Variants in DMXL1 observed in about 807,000 individuals in gnomAD.
The protein encoded by DMXL1 is dmX-like protein 1.
A neutral mutation model predicts 319.2 loss-of-function variants in DMXL1; 99 were observed. The ratio of observed to expected loss-of-function variants is 0.31; its 90% confidence interval spans 0.26 to 0.37. DMXL1 has a LOEUF of 0.37. Ranked by LOEUF, DMXL1 falls within the 10% of genes least tolerant of loss-of-function variation. The pLI, the probability that DMXL1 is intolerant of heterozygous loss-of-function variation, is 1.00. For missense variants in DMXL1, 3,745 were observed against 3,595.6 expected, an observed-to-expected ratio of 1.04 and a Z score of -1.06; for synonymous variants, 1,385 against 1,235.2, an observed-to-expected ratio of 1.12 and a Z score of -2.54.
intron 39 of DMXL1, among the ~76,000 whole-genome samples, chr5:119,234,162 T>A (rs1391608262): frequency 6.6e-6 from 1 of 152,150 alleles, no homozygotes; most frequent in Non-Finnish European, 1.5e-5. Context: ...TAATCCTTTG[T>A]TCAAACTGCC....
intron 1 of DMXL1, among the ~76,000 whole-genome samples, chr5:119,084,365 C>T (rs1486320087): frequency 1.3e-5 from 2 of 152,158 alleles, no homozygotes; most frequent in Non-Finnish European, 2.9e-5. Flanking sequence ...AGTGATTCAC[C>T]TGCCTCAGCC....
chr5:119,241,032 T>A (rs962484230), intron 42 of DMXL1, among the ~76,000 whole-genome samples: 1 of 152,178 alleles, frequency 6.6e-6, no homozygotes, highest in African/African-American at 2.4e-5. Context: ...AAAATCATAA[T>A]TTTTTATTCC....
chr5:119,148,946 T>G lies in DMXL1; in HGVS notation c.3119T>G (p.Ile1040Arg). The change falls in exon 18 of 44, where the codon ATA (isoleucine) becomes AGA (arginine). Residue 1040 changes from isoleucine (I) to arginine (R), a missense_variant. By Grantham distance (97) the Ile-to-Arg change is moderately conservative. This residue lies in a region of DMXL1 where 2,096 missense variants were observed against 1,985.4 expected (regional missense o/e 1.06). Transcript: ENST00000539542. ...GATGGACTTCAGAGCAATAGTAGTA[T>G]AACTGTACCTGGTAGGCCTGTAGAA... is the stretch of plus-strand genomic sequence containing the variant. ...IEDGLQSNSS[I>R]TVPGRPVEVS... The G allele has an allele frequency of 6.2e-7, 1 of 1,613,950 alleles. No homozygotes were observed.
At chr5:119,240,361 A>G in intron 41 of DMXL1, 58 bp from the exon 42 acceptor site, 3 of 1,247,888 alleles carry the variant, frequency 2.4e-6, no homozygotes, top group East Asian at 4.6e-5. Context: ...TATATATGAC[A>G]TATTTTTTAT....
chr5:119,172,661 CT>C (rs1202723651), intron 25 of DMXL1, among the ~76,000 whole-genome samples: 1 of 152,110 alleles, frequency 6.6e-6, no homozygotes, highest in Non-Finnish European at 1.5e-5. Flanking sequence ...CATATTTTAT[CT>C]TTACTTTTCA....
rs564261261 is a variant in DMXL1, at chr5:119,149,579, T to A, written c.3752T>A (p.Ile1251Lys). The A allele has an allele frequency of 2.7e-5, 43 of 1,613,856 alleles. No individual in the cohort carries two copies. The highest frequency in any genetic ancestry group is 3.4e-5 in the Non-Finnish European group (40 of 1,179,926). ...WQPSSKQEPV[I>K]TDSYSGSTPS... ...CCATCTTCTAAACAAGAACCTGTTATAACAGATTCGTACAGTGGGAGCACT... is the reference window on the plus strand; with the variant it reads ...CCATCTTCTAAACAAGAACCTGTTAAAACAGATTCGTACAGTGGGAGCACT... The change falls in exon 18 of 44, where the codon ATA becomes AAA. Residue 1251 changes from isoleucine to lysine, a missense_variant. By Grantham distance (102) the Ile-to-Lys change is moderately radical (BLOSUM62 -3). Transcript: ENST00000539542.
chr5:119,156,833 CTGTT>C (rs1210787274), intron 19 of DMXL1, among the ~76,000 whole-genome samples: 10 of 152,018 alleles, frequency 6.6e-5, no homozygotes, highest in Non-Finnish European at 1.2e-4. Flanking sequence ...TTTATGAAAA[CTGTT>C]TGTTTTTTTC....
intron 1 of DMXL1, among the ~76,000 whole-genome samples, chr5:119,082,827 C>T (rs1029925447): frequency 2.0e-5 from 3 of 152,160 alleles, no homozygotes; most frequent in Admixed American, 6.5e-5. Context: ...TCCATCAAAC[C>T]GTTTATTAGT....
chr5:119,106,199 T>C (rs1758304328), intron 4 of DMXL1, among the ~76,000 whole-genome samples: 1 of 152,290 alleles, frequency 6.6e-6, no homozygotes. Flanking sequence ...TCTGTGGCCC[T>C]CTGTAGCAGG....
At chr5:119,155,692 G>A (rs1273433590) in intron 19 of DMXL1, among the ~76,000 whole-genome samples, 3 of 151,838 alleles carry the variant, frequency 2.0e-5, no homozygotes, top group Non-Finnish European at 4.4e-5. Flanking sequence ...GGTAGGTTTA[G>A]TGTTACGTGC....
intron 19 of DMXL1, among the ~76,000 whole-genome samples, chr5:119,154,933 A>C (rs370013958): frequency 6.6e-6 from 1 of 152,232 alleles, no homozygotes; most frequent in Non-Finnish European, 1.5e-5. Flanking sequence ...TAGAGTGTTT[A>C]AGAATTATGT....
rs1469156517 is a variant in DMXL1, at chr5:119,202,878, TATA to T, written c.7746-440_7746-438del. ...AAATATACATACATATATATATATATATATTTTTATATATATATATATATATAT... is the reference window on the plus strand; with the variant it reads ...AAATATACATACATATATATATATATTTTTTATATATATATATATATATAT... On this transcript the variant is annotated intron_variant, in intron 32 of 43. Transcript: ENST00000539542. Among the ~76,000 whole-genome samples the T allele has an allele frequency of 8.2e-4, 90 of 109,332 alleles. No homozygotes were observed. In the South Asian group the frequency reaches 0.025, roughly 30 times the overall value. 71.7% of individuals were successfully genotyped at this position (109,332 alleles called of 152,430 possible). A position where few individuals can be genotyped will look rare whatever the true frequency, so the allele number is the denominator to read the frequency against.
rs1374890633 is a variant in DMXL1, at chr5:119,149,048, T to C, written c.3221T>C (p.Phe1074Ser). The change falls in exon 18 of 44, where the codon TTT becomes TCT. Residue 1074 changes from phenylalanine (F) to serine (S), a missense_variant. Phe to Ser is a radical substitution (Grantham distance 155). Transcript: ENST00000539542. Reference protein sequence around the residue: ...PASNSRSSQDFVMHVSIFECE... With the variant: ...PASNSRSSQDSVMHVSIFECE... ...TCTAATAGTAGATCTTCCCAGGACT[T>C]TGTGATGCATGTAAGTATTTTTGAA... 1 of 1,613,932 alleles carries C rather than the reference T, an allele frequency of 6.2e-7. No individual in the cohort carries two copies. Among genetic ancestry groups the C allele is most frequent in the Non-Finnish European group, 8.5e-7 (1 of 1,179,860 alleles).
rs749379518 is a variant in DMXL1 at position 119,147,342 on chromosome 5, A to T, written c.2783A>T (p.Gln928Leu). ...SPEKILSPFS[Q>L]KYQACRANLQ... Reference sequence around the variant, plus strand: ...GAGAAGATCCTATCTCCTTTTTCACAAAAGTATCAGGCTTGCAGAGCAAAT... The same window carrying T: ...GAGAAGATCCTATCTCCTTTTTCACTAAAGTATCAGGCTTGCAGAGCAAAT... Residue 928 changes from glutamine to leucine, a missense_variant, in exon 17 of 44, where the codon CAA (glutamine) becomes CTA (leucine). Around this residue, in one of 4 missense-constraint regions of DMXL1, gnomAD observed 2,096 missense variants for 1,985.4 expected, o/e 1.06. Coordinates refer to ENST00000539542, the MANE Select transcript of DMXL1 (RefSeq NM_001290321.3). 1.9e-6 allele frequency: 3 copies of T among 1,613,530 alleles called. No homozygotes were observed. The highest frequency in any genetic ancestry group is 1.1e-5 in the South Asian group (1 of 91,066).
chr5:119,210,138 A>G (rs1411339743), intron 34 of DMXL1, among the ~76,000 whole-genome samples: 2 of 151,934 alleles, frequency 1.3e-5, no homozygotes, highest in African/African-American at 4.8e-5. Flanking sequence ...AGATGAGTAG[A>G]CTGGGTTTCA....
At chr5:119,181,250 A>G (rs970983251) in intron 28 of DMXL1, among the ~76,000 whole-genome samples, 15 of 152,200 alleles carry the variant, frequency 9.9e-5, no homozygotes, top group Non-Finnish European at 2.2e-4. Flanking sequence ...AATTATCTGC[A>G]TCTATATGTT....
Position 119,193,927 on chromosome 5 carries a change from T to A in DMXL1, c.7414T>A (p.Ser2472Thr). Residue 2472 changes from serine (S) to threonine (T), a missense_variant, in exon 30 of 44, where the codon TCA becomes ACA. Physicochemically the swap from Ser to Thr is moderately conservative, Grantham distance 58. This residue lies in a region of DMXL1 where 1,382 missense variants were observed against 1,269.5 expected (regional missense o/e 1.09). Coordinates refer to ENST00000539542, the MANE Select transcript of DMXL1 (RefSeq NM_001290321.3). ...DNDDDDDVLA[S>T]DFHLQEHSNS... is the part of the protein sequence containing the mutation. ...TGATGATGATGATGATGTTTTAGCA[T>A]CAGATTTCCATCTCCAGGAACATTC... 1.2e-6 allele frequency: 2 copies of A among 1,611,340 alleles called. No homozygotes were observed. The highest frequency in any genetic ancestry group is 1.7e-6 in the Non-Finnish European group (2 of 1,178,270).
intron 42 of DMXL1, among the ~76,000 whole-genome samples, chr5:119,242,926 C>T (rs1789100906): frequency 6.6e-6 from 1 of 152,120 alleles, no homozygotes; most frequent in Non-Finnish European, 1.5e-5. Context: ...AGATACAGAC[C>T]TCACCTTTCA....
intron 10 of DMXL1, among the ~76,000 whole-genome samples, chr5:119,129,994 A>G (rs184380342): frequency 6.6e-6 from 1 of 151,886 alleles, no homozygotes; most frequent in African/African-American, 2.4e-5. Context: ...GTAGTTCCTG[A>G]CTCTGTAGCC....
Sources: allele counts gnomAD v4.1 joint callset (sites outside exome capture counted in the v4.1 genomes callset), GRCh38; gene constraint gnomAD v4.1.1; regional missense constraint gnomAD v4.1.1; transcripts MANE v1.5; gene names NCBI Gene and HGNC (gene_info 2026-07-23, HGNC 2026-07-21).